CXorf58: variants seen among roughly 807,000 people sequenced by gnomAD.
CXorf58 encodes chromosome X open reading frame 58.
Under a neutral mutation model 26.0 loss-of-function variants are expected in CXorf58, and 24 were observed. The ratio of observed to expected loss-of-function variants is 0.92; its 90% CI spans 0.67 to 1.30. CXorf58 has a LOEUF of 1.30. Among genes scored for constraint, CXorf58 ranks in the 50% most tolerant of loss-of-function variants. CXorf58 has a pLI of 0.00. For synonymous variants in CXorf58, 87 were observed against 86.1 expected, an observed-to-expected ratio of 1.01 and a Z score of -0.06; for missense variants, 236 against 263.9, an observed-to-expected ratio of 0.89 and a Z score of 0.73.
At chrX:23,934,305 A>C (rs1489365096) in intron 6 of CXorf58, among the ~76,000 whole-genome samples, 2 of 112,189 alleles carry the variant, frequency 1.8e-5, no homozygotes, top group Non-Finnish European at 3.8e-5. Flanking sequence ...ATCCCAATAA[A>C]ATTCAGAGAT....
At chrX:23,929,140 C>A (rs1928088282) in intron 6 of CXorf58, among the ~76,000 whole-genome samples, 1 of 111,522 alleles carries the variant, frequency 9.0e-6, no homozygotes, top group South Asian at 3.7e-4. Flanking sequence ...AAACCAGCCA[C>A]TCACGCCTGT....
intron 6 of CXorf58, among the ~76,000 whole-genome samples, chrX:23,929,492 T>C (rs1372651461): frequency 1.8e-5 from 2 of 111,051 alleles, no homozygotes; most frequent in Non-Finnish European, 3.8e-5. Context: ...GAGCAAGGCC[T>C]TAACTCTCTT....
At chrX:23,923,568 G>A (rs1927924353) in intron 5 of CXorf58, among the ~76,000 whole-genome samples, 1 of 107,842 alleles carries the variant, frequency 9.3e-6, no homozygotes, top group African/African-American at 3.4e-5. Flanking sequence ...GAACCCGGGA[G>A]GCAGAGGTTA....
At chrX:23,923,970 G>A (rs1350350257) in intron 5 of CXorf58, among the ~76,000 whole-genome samples, 1 of 111,809 alleles carries the variant, frequency 8.9e-6, no homozygotes, top group African/African-American at 3.2e-5. Context: ...GGAGGCTGAG[G>A]CAGGAGAATC....
intron 5 of CXorf58, among the ~76,000 whole-genome samples, chrX:23,925,308 C>A (rs1287529273): frequency 9.2e-6 from 1 of 108,427 alleles, no homozygotes; most frequent in Non-Finnish European, 1.9e-5. Context: ...AACAGTGATT[C>A]TCAGTTTTGA....
chrX:23,913,492 TAGTGATACTCTTA>T (rs1927637000), intron 3 of CXorf58, among the ~76,000 whole-genome samples: 1 of 110,574 alleles, frequency 9.0e-6, no homozygotes, highest in South Asian at 3.9e-4. Context: ...CCCGGCCAAT[TAGTGATACTCTTA>T]AGGGAATTTT....
rs1419550924 is a variant in CXorf58, at chrX:23,936,523, T to C, written c.785+1098T>C. ...ACTCCAATTATATTCCTTTTCTCTT[T>C]CCATTACTAAGCCTCACTTAGCCCA... is the stretch of plus-strand genomic sequence containing the variant. On this transcript the variant is annotated intron_variant, in intron 7 of 8. Coordinates refer to ENST00000379211, the MANE Select transcript of CXorf58 (RefSeq NM_152761.3). 3.6e-5 allele frequency among the ~76,000 whole-genome samples: 4 copies of C among 112,152 alleles called. 1 individual carries two copies. The East Asian group carries it at 1.1e-3, about 31-fold the overall frequency.
chrX:23,936,900 A>T (rs1432761955), intron 7 of CXorf58, among the ~76,000 whole-genome samples: 1 of 112,084 alleles, frequency 8.9e-6, no homozygotes, highest in Non-Finnish European at 1.9e-5. Context: ...TATTACCACC[A>T]AGGTCAAATA....
rs1385386966 is a variant in CXorf58, at chrX:23,915,249, C to T, written c.217-451C>T. Among the ~76,000 whole-genome samples the T allele has an allele frequency of 9.8e-5, 11 of 112,100 alleles. 1 individual carries two copies. In the Admixed American group the frequency reaches 1.0e-3, roughly 11 times the overall value. On this transcript the variant is annotated intron_variant, in intron 3 of 8. Transcript: ENST00000379211. ...ATAAAAGGTGCTTAAAAGCTAGTAACTTATTACTATTATCATCCTCATCTT... is the reference window on the plus strand; with the variant it reads ...ATAAAAGGTGCTTAAAAGCTAGTAATTTATTACTATTATCATCCTCATCTT...
rs746350773 is a variant in CXorf58, at chrX:23,911,953, C to CTTT, written c.216+111_216+113dup. 1.3e-3 allele frequency: 577 copies of CTTT among 442,613 alleles called. 3 individuals carry two copies. The highest frequency in any genetic ancestry group is 0.011 in the African/African-American group (353 of 32,540). The allele number at this position is 442,613 out of a possible 1,213,427, so 36.5% of individuals were successfully genotyped here. A position where few individuals can be genotyped will look rare whatever the true frequency, so the allele number is the denominator to read the frequency against. ...GAATAGATAACCTTCTTTATCTCCTCTTTTTTTTTTTTTTTTGAGAGGGAG... is the reference window on the plus strand; with the variant it reads ...GAATAGATAACCTTCTTTATCTCCTCTTTTTTTTTTTTTTTTTTTGAGAGGGAG... On this transcript the variant is annotated intron_variant, in intron 3 of 8. Coordinates refer to ENST00000379211, the MANE Select transcript of CXorf58 (RefSeq NM_152761.3).
intron 6 of CXorf58, among the ~76,000 whole-genome samples, chrX:23,930,211 A>AAAG (rs1569255112): frequency 2.8e-5 from 3 of 107,123 alleles, no homozygotes; most frequent in Non-Finnish European, 5.8e-5. Flanking sequence ...AAAAAAAAAA[A>AAAG]AAAAAAGAAA....
chrX:23,927,196 C>T (rs755944668), intron 5 of CXorf58, 43 bp from the exon 6 acceptor site: 1 of 930,495 alleles, frequency 1.1e-6, no homozygotes, highest in Non-Finnish European at 1.5e-6. Flanking sequence ...ATCATTAATG[C>T]TATTCTACTA....
chrX:23,913,861 G>A (rs920675162), intron 3 of CXorf58, among the ~76,000 whole-genome samples: 7 of 109,661 alleles, frequency 6.4e-5, no homozygotes, highest in Non-Finnish European at 1.1e-4. Flanking sequence ...CAGCCTGGGC[G>A]ACAGAGCAAG....
intron 3 of CXorf58, among the ~76,000 whole-genome samples, chrX:23,912,980 T>C (rs1927622256): frequency 9.2e-6 from 1 of 109,165 alleles, no homozygotes; most frequent in Admixed American, 9.9e-5. Flanking sequence ...AGATAGCTCA[T>C]CAGTTAAAAA....
intron 5 of CXorf58, chrX:23,916,533 ATTAC>A (rs1927729468): frequency 3.6e-6 from 1 of 279,564 alleles, no homozygotes; most frequent in Admixed American, 6.7e-5. Flanking sequence ...TTTGGAGTGA[ATTAC>A]TTAATTAAGG....
intron 5 of CXorf58, among the ~76,000 whole-genome samples, chrX:23,921,959 T>C (rs1324714750): frequency 1.8e-5 from 2 of 110,498 alleles, no homozygotes; most frequent in African/African-American, 6.6e-5. Context: ...CACTTCCGCC[T>C]CCCAAAGTGC....
intron 1 of CXorf58, among the ~76,000 whole-genome samples, chrX:23,909,998 TAAA>T (rs1927530753): frequency 8.9e-6 from 1 of 111,747 alleles, no homozygotes; most frequent in Non-Finnish European, 1.9e-5. Flanking sequence ...ATTATTGAGT[TAAA>T]AAGTTAACTC....
intron 5 of CXorf58, among the ~76,000 whole-genome samples, chrX:23,923,297 G>A (rs138548190): frequency 0.016 from 1,748 of 110,827 alleles, 31 homozygotes; most frequent in African/African-American, 0.053. Context: ...GCACACAACT[G>A]AGGCACTGCA....
chrX:23,920,972 A>G (rs1021056943), intron 5 of CXorf58, among the ~76,000 whole-genome samples: 5 of 110,977 alleles, frequency 4.5e-5, no homozygotes, highest in Admixed American at 2.9e-4. Flanking sequence ...TAATATTTAT[A>G]TAGATCAACT....
Sources: allele counts gnomAD v4.1 joint callset (sites outside exome capture counted in the v4.1 genomes callset), GRCh38; gene constraint gnomAD v4.1.1; transcripts MANE v1.5; gene names NCBI Gene and HGNC (gene_info 2026-07-23, HGNC 2026-07-21).